ADCY5: variants seen among roughly 807,000 people sequenced by gnomAD.
ADCY5 encodes adenylate cyclase type 5.
ADCY5 carries 30 observed loss-of-function variants against 119.7 expected under a neutral mutation model. The observed-to-expected ratio is 0.25, with a 90% CI of 0.19 to 0.34. The LOEUF (loss-of-function observed/expected upper bound fraction) is 0.34, where lower values mean the gene tolerates loss of function less well. ADCY5 is among the 10% of genes least tolerant of loss of function. ADCY5 has a pLI of 1.00. For missense variants in ADCY5, 1,324 were observed against 1,775.2 expected, an observed-to-expected ratio of 0.75 and a Z score of 4.57; for synonymous variants, 753 against 762.2, an observed-to-expected ratio of 0.99 and a Z score of 0.20.
chr3:123,376,528 A>G (rs896640033), intron 1 of ADCY5, among the ~76,000 whole-genome samples: 1 of 152,188 alleles, frequency 6.6e-6, no homozygotes, highest in African/African-American at 2.4e-5. Context: ...GGGGACACCT[A>G]TTCCTAGAGG....
intron 1 of ADCY5, among the ~76,000 whole-genome samples, chr3:123,403,118 G>A (rs905405984): frequency 1.3e-5 from 2 of 152,094 alleles, no homozygotes; most frequent in Non-Finnish European, 2.9e-5. Context: ...GGTGGCTCAC[G>A]CCTGTACTCC....
intron 1 of ADCY5, among the ~76,000 whole-genome samples, chr3:123,446,937 T>C (rs1273904222): frequency 6.6e-6 from 1 of 152,040 alleles, no homozygotes; most frequent in Non-Finnish European, 1.5e-5. Context: ...TCATGCTACC[T>C]CCTCCTTACC....
In ADCY5 at chr3:123,286,678, C is replaced by T; in HGVS notation, c.3657+7G>A. On this transcript the variant is annotated splice_region_variant and intron_variant, in intron 20 of 20. Coordinates refer to ENST00000462833, the MANE Select transcript of ADCY5 (RefSeq NM_183357.3). The surrounding 1 kb of genome is among the most constrained non-coding windows in gnomAD (Gnocchi z 4.2). ...GGGTGAGGGGTGGTGGATGCTCCTG[C>T]ACTCACCTGGATGCGGTCGGGTACA... 6.2e-7 allele frequency: 1 copy of T among 1,605,674 alleles called. No individual in the cohort carries two copies. Among genetic ancestry groups the T allele is most frequent in the Non-Finnish European group, 8.5e-7 (1 of 1,175,968 alleles).
At chr3:123,300,988 G>A (rs1203151827) in intron 14 of ADCY5, among the ~76,000 whole-genome samples, 1 of 152,078 alleles carries the variant, frequency 6.6e-6, no homozygotes, top group Non-Finnish European at 1.5e-5. Context: ...AATATATGGG[G>A]CTCCAAAGGT....
chr3:123,445,329 T>A (rs1945793371), intron 1 of ADCY5, among the ~76,000 whole-genome samples: 1 of 146,106 alleles, frequency 6.8e-6, no homozygotes, highest in Non-Finnish European at 1.5e-5. Context: ...CATGCTAAGG[T>A]GGAATTGGGG....
chr3:123,390,553 G>A (rs1001990631), intron 1 of ADCY5, among the ~76,000 whole-genome samples: 20 of 152,352 alleles, frequency 1.3e-4, no homozygotes, highest in South Asian at 4.1e-4. Flanking sequence ...CAGGAAGGAT[G>A]ATACATGCTT....
chr3:123,325,305 C>T lies in ADCY5; in HGVS notation c.2088+17G>A, dbSNP rs771245302. ...CTTGGAGAGTGTTGCCCACAGGCTG[C>T]CCCACCAGCCACTCACCATCCGCTT... is the stretch of plus-strand genomic sequence containing the variant. On this transcript the variant is annotated intron_variant, in intron 8 of 20. Coordinates refer to ENST00000462833, the MANE Select transcript of ADCY5 (RefSeq NM_183357.3). The T allele has an allele frequency of 6.2e-7, 1 of 1,613,450 alleles. No individual in the cohort carries two copies. The highest frequency in any genetic ancestry group is 8.5e-7 in the Non-Finnish European group (1 of 1,179,574).
At chr3:123,440,687 C>A (rs1290991125) in intron 1 of ADCY5, among the ~76,000 whole-genome samples, 3 of 152,170 alleles carry the variant, frequency 2.0e-5, no homozygotes, top group African/African-American at 7.2e-5. Flanking sequence ...CCTTCTGGAT[C>A]TGGGATGTCC....
At chr3:123,309,006 C>A (rs1391427211) in intron 12 of ADCY5, among the ~76,000 whole-genome samples, 1 of 152,198 alleles carries the variant, frequency 6.6e-6, no homozygotes, top group East Asian at 1.9e-4. Context: ...AAAGAACTGT[C>A]TTCAAAAAAT....
chr3:123,441,533 C>T (rs1248183386), intron 1 of ADCY5, among the ~76,000 whole-genome samples: 1 of 152,190 alleles, frequency 6.6e-6, no homozygotes, highest in Non-Finnish European at 1.5e-5. Context: ...CTACTACTTC[C>T]ACCCATCTGC....
intron 3 of ADCY5, among the ~76,000 whole-genome samples, chr3:123,345,651 T>C (rs1319067910): frequency 6.6e-6 from 1 of 152,080 alleles, no homozygotes; most frequent in Non-Finnish European, 1.5e-5. Flanking sequence ...TTTCCTCACA[T>C]GTCCTAAGGG....
chr3:123,360,820 T>G (rs1366657439), intron 1 of ADCY5, among the ~76,000 whole-genome samples: 1 of 152,180 alleles, frequency 6.6e-6, no homozygotes, highest in Non-Finnish European at 1.5e-5. Context: ...TACAGCAATA[T>G]ATAGTCTGCA....
At chr3:123,413,744 AGTTCACCTGCCTTTGCTTT>A (rs1945117423) in intron 1 of ADCY5, among the ~76,000 whole-genome samples, 1 of 152,166 alleles carries the variant, frequency 6.6e-6, no homozygotes, top group Non-Finnish European at 1.5e-5. Context: ...CAGGGAAAGC[AGTTCACCTGCCTTTGCTTT>A]GTTCTACAAG....
intron 3 of ADCY5, among the ~76,000 whole-genome samples, chr3:123,339,327 T>G (rs945540502): frequency 2.6e-5 from 4 of 152,064 alleles, no homozygotes; most frequent in South Asian, 4.2e-4. Flanking sequence ...CTCATGTCCT[T>G]TAGGGGAGTT....
At chr3:123,395,286 TAAGCTGTA>T (rs1228028738) in intron 1 of ADCY5, among the ~76,000 whole-genome samples, 1 of 152,176 alleles carries the variant, frequency 6.6e-6, no homozygotes, top group Admixed American at 6.5e-5. Flanking sequence ...AATAAACAGC[TAAGCTGTA>T]ACCCCAGTCT....
At chr3:123,392,906 A>C (rs1439435388) in intron 1 of ADCY5, among the ~76,000 whole-genome samples, 1 of 152,096 alleles carries the variant, frequency 6.6e-6, no homozygotes, top group African/African-American at 2.4e-5. Flanking sequence ...CCACTTTCTT[A>C]ACTTTCCAGA....
chr3:123,359,396 G>C, intron 1 of ADCY5, among the ~76,000 whole-genome samples: 1 of 137,006 alleles, frequency 7.3e-6, no homozygotes, highest in East Asian at 2.0e-4. Context: ...ATATAATTGA[G>C]TGACCCATAT....
At chr3:123,387,564 G>GA (rs1487442185) in intron 1 of ADCY5, among the ~76,000 whole-genome samples, 4 of 152,184 alleles carry the variant, frequency 2.6e-5, no homozygotes, top group Non-Finnish European at 4.4e-5. Context: ...AGGCCGCAGA[G>GA]AAGCTCATCT....
chr3:123,367,260 C>G (rs996742144), intron 1 of ADCY5, among the ~76,000 whole-genome samples: 9 of 152,190 alleles, frequency 5.9e-5, no homozygotes, highest in African/African-American at 2.2e-4. Context: ...CATTCCCATA[C>G]AAACCAAGGA....
Sources: gnomAD v4.1 joint callset for allele counts (sites outside exome capture counted in the v4.1 genomes callset) on GRCh38, gnomAD v4.1.1 for gene constraint, Gnocchi (gnomAD v3.1) non-coding constraint, MANE v1.5 for transcripts, NCBI Gene and HGNC (gene_info 2026-07-23, HGNC 2026-07-21) for gene names.